Variants in RBFOX1 observed in about 807,000 individuals in gnomAD.
RBFOX1 encodes RNA binding protein fox-1 homolog 1.
Under a neutral mutation model 57.7 loss-of-function variants are expected in RBFOX1, and 8 were observed. The ratio of observed to expected loss-of-function variants is 0.14; its 90% CI spans 0.08 to 0.25. The LOEUF (loss-of-function observed/expected upper bound fraction) is 0.25. RBFOX1 is among the 10% of genes least tolerant of loss of function. The probability of loss-of-function intolerance (pLI) is 1.00; values close to 1 mark genes in which losing one functional copy is unlikely to be tolerated. For missense variants in RBFOX1, 611 were observed against 548.5 expected, an observed-to-expected ratio of 1.11 and a Z score of -1.14; for synonymous variants, 326 against 222.4, an observed-to-expected ratio of 1.47 and a Z score of -4.15.
intron 3 of RBFOX1, among the ~76,000 whole-genome samples, chr16:6,912,879 C>T (rs7498992): frequency 0.24 from 36,700 of 151,982 alleles, 4,574 homozygotes; most frequent in South Asian, 0.31. Context: ...CTTGACCTCC[C>T]AAAGTGCTGG....
intron 3 of RBFOX1, among the ~76,000 whole-genome samples, chr16:5,810,406 A>G (rs561380008): frequency 1.6e-4 from 24 of 152,182 alleles, no homozygotes; most frequent in Non-Finnish European, 3.1e-4. Context: ...TCTTGCTGAC[A>G]CCTGATCTTG....
At chr16:6,623,267 C>A (rs887980403) in intron 2 of RBFOX1, among the ~76,000 whole-genome samples, 1 of 151,994 alleles carries the variant, frequency 6.6e-6, no homozygotes, top group African/African-American at 2.4e-5. Flanking sequence ...ACAGAGCTAA[C>A]CTGGAATTTG....
chr16:7,554,310 A>G (rs531384350), intron 5 of RBFOX1, among the ~76,000 whole-genome samples: 1 of 152,352 alleles, frequency 6.6e-6, no homozygotes, highest in South Asian at 2.1e-4. Flanking sequence ...ACTGTGCTAA[A>G]TACTTTCCAT....
intron 3 of RBFOX1, among the ~76,000 whole-genome samples, chr16:5,719,069 A>T (rs959158796): frequency 6.6e-5 from 10 of 152,206 alleles, no homozygotes; most frequent in South Asian, 2.1e-4. Context: ...AGAAGTCAGT[A>T]AAAGTTAACT....
rs1400883332 is a variant in RBFOX1, at chr16:6,038,627, A to G, written c.-127+18635A>G. On this transcript the variant is annotated intron_variant, in intron 1 of 15. Coordinates refer to ENST00000550418, the MANE Select transcript of RBFOX1 (RefSeq NM_018723.4). ...TATATATCTCCATGGAGATATATATATATATGTGTATGAATGAAGCACTTA... is the reference window on the plus strand; with the variant it reads ...TATATATCTCCATGGAGATATATATGTATATGTGTATGAATGAAGCACTTA... 1.6e-4 allele frequency: 24 copies of G among 148,370 alleles called. No individual in the cohort carries two copies. The Admixed American group carries it at 1.6e-3, about 10-fold the overall frequency. 9.2% of individuals were successfully genotyped at this position (148,370 alleles called of 1,614,324 possible).
intron 1 of RBFOX1, among the ~76,000 whole-genome samples, chr16:6,303,571 C>T (rs561935115): frequency 6.6e-6 from 1 of 152,208 alleles, no homozygotes; most frequent in East Asian, 1.9e-4. Flanking sequence ...TTGTCTCTTT[C>T]TTTTCCTTCT....
chr16:6,020,748 G>C (rs559554005), intron 1 of RBFOX1, among the ~76,000 whole-genome samples: 1 of 152,234 alleles, frequency 6.6e-6, no homozygotes, highest in South Asian at 2.1e-4. Flanking sequence ...CTATGGAAGC[G>C]AGGGCGGGGC....
At chr16:6,980,349 A>C (rs1480755083) in intron 3 of RBFOX1, among the ~76,000 whole-genome samples, 1 of 152,206 alleles carries the variant, frequency 6.6e-6, no homozygotes, top group African/African-American at 2.4e-5. Flanking sequence ...GATGAGGACT[A>C]ACATGTAACC....
At chr16:6,842,306 T>G (rs867674374) in intron 3 of RBFOX1, among the ~76,000 whole-genome samples, 14 of 152,134 alleles carry the variant, frequency 9.2e-5, no homozygotes, top group African/African-American at 3.4e-4. Context: ...CTTAATTATT[T>G]TTTTCTGATC....
intron 4 of RBFOX1, among the ~76,000 whole-genome samples, chr16:7,420,071 G>A (rs2149335071): frequency 6.6e-6 from 1 of 152,104 alleles, no homozygotes; most frequent in South Asian, 2.1e-4. Flanking sequence ...AGTAACAAAT[G>A]AGGGTACATT....
At chr16:7,173,011 G>A (rs1993897) in intron 4 of RBFOX1, among the ~76,000 whole-genome samples, 138,602 of 152,228 alleles carry the variant, frequency 0.91, 63,280 homozygotes, top group East Asian at 1. Flanking sequence ...ACTACCACGT[G>A]TGTATTTTCC....
intron 2 of RBFOX1, among the ~76,000 whole-genome samples, chr16:6,386,254 G>C (rs2092274065): frequency 6.6e-6 from 1 of 152,152 alleles, no homozygotes. Context: ...CTGTCCTGTT[G>C]TCATGATGAT....
chr16:6,964,923 C>A (rs943084514), intron 3 of RBFOX1, among the ~76,000 whole-genome samples: 3 of 152,196 alleles, frequency 2.0e-5, no homozygotes, highest in African/African-American at 7.2e-5. Flanking sequence ...TAATCCCCAT[C>A]TCTGCGGATT....
intron 3 of RBFOX1, among the ~76,000 whole-genome samples, chr16:6,868,662 G>T (rs568826381): frequency 6.6e-6 from 1 of 152,218 alleles, no homozygotes; most frequent in South Asian, 2.1e-4. Flanking sequence ...CCTAGAGATA[G>T]GGTTTCACCA....
chr16:6,186,138 C>A (rs1217333160), intron 1 of RBFOX1, among the ~76,000 whole-genome samples: 1 of 152,218 alleles, frequency 6.6e-6, no homozygotes, highest in Non-Finnish European at 1.5e-5. Context: ...TGGCTGTGAT[C>A]TGTAAACTCA....
At chr16:5,671,501 C>T (rs1248547892) in intron 3 of RBFOX1, among the ~76,000 whole-genome samples, 1 of 152,202 alleles carries the variant, frequency 6.6e-6, no homozygotes, top group African/African-American at 2.4e-5. Context: ...TCAGGAAATT[C>T]AGCCAGAGGA....
intron 4 of RBFOX1, among the ~76,000 whole-genome samples, chr16:7,227,643 G>C (rs1189774820): frequency 6.6e-6 from 1 of 152,156 alleles, no homozygotes; most frequent in Non-Finnish European, 1.5e-5. Context: ...GTAGCCACTG[G>C]AGATGGGGGT....
intron 4 of RBFOX1, among the ~76,000 whole-genome samples, chr16:7,480,146 C>G (rs113210189): frequency 1.3e-5 from 2 of 152,260 alleles, no homozygotes; most frequent in African/African-American, 4.8e-5. Flanking sequence ...GCCTGTGTGT[C>G]TTGGGACAGC....
chr16:6,327,822 A>G (rs139725186), intron 2 of RBFOX1, among the ~76,000 whole-genome samples: 4 of 152,152 alleles, frequency 2.6e-5, no homozygotes, highest in Admixed American at 6.5e-5. Flanking sequence ...TTATTTCTTG[A>G]CAAAGGTTAG....
Sources: allele counts gnomAD v4.1 joint callset (sites outside exome capture counted in the v4.1 genomes callset), GRCh38; gene constraint gnomAD v4.1.1; transcripts MANE v1.5; gene names NCBI Gene and HGNC (gene_info 2026-07-23, HGNC 2026-07-21).